Variants in JAK3 observed in about 807,000 individuals in gnomAD.
JAK3 encodes the protein tyrosine-protein kinase JAK3.
Under a neutral mutation model 120.8 loss-of-function variants are expected in JAK3, and 88 were observed. The observed-to-expected ratio is 0.73, with a 90% CI of 0.61 to 0.87. JAK3 has a LOEUF of 0.87. JAK3 is among the 40% of genes least tolerant of loss of function. The pLI, the probability that JAK3 is intolerant of heterozygous loss-of-function variation, is 0.00. For missense variants in JAK3, 1,254 were observed against 1,501.4 expected, an observed-to-expected ratio of 0.84 and a Z score of 2.72; for synonymous variants, 592 against 628.6, an observed-to-expected ratio of 0.94 and a Z score of 0.87.
chr19:17,831,311 G>A lies in JAK3; in HGVS notation c.2895C>T (p.Ile965=). ...GCAGCTTAGCTAGGCCGAAGTCAGC[G>A]ATCTTGACGTGTGCCTCGCTCTCCA... ...ILVESEAHVK[I]ADFGLAKLLP... The change falls in exon 21 of 24, where the codon ATC becomes ATT. Residue 965 remains isoleucine (I), a synonymous_variant. Coordinates refer to ENST00000458235, the MANE Select transcript of JAK3 (RefSeq NM_000215.4). The surrounding 1 kb of genome is among the most constrained non-coding windows in gnomAD (Gnocchi z 5.1). 6.2e-7 allele frequency: 1 copy of A among 1,612,668 alleles called. No homozygotes were observed.
In JAK3 at chr19:17,831,643, TC is replaced by T; in HGVS notation, c.2805+30del. On this transcript the variant is annotated intron_variant, in intron 20 of 23. Coordinates refer to ENST00000458235, the MANE Select transcript of JAK3 (RefSeq NM_000215.4). The surrounding 1 kb of genome is among the most constrained non-coding windows in gnomAD (Gnocchi z 5.1). Reference sequence around the variant, plus strand: ...CCCTGCCCAGGCCGTGCCAGCTGAATCCCCACAAGTCCCGGGGCGCCCCCTC... The same window carrying T: ...CCCTGCCCAGGCCGTGCCAGCTGAATCCCACAAGTCCCGGGGCGCCCCCTC... The T allele has an allele frequency of 6.3e-7, 1 of 1,595,192 alleles. No homozygotes were observed. The highest frequency in any genetic ancestry group is 1.7e-5 in the Admixed American group (1 of 57,752).
Position 17,843,782 on chromosome 19 carries a change from C to T in JAK3, c.303G>A (p.Arg101=). 6.2e-7 allele frequency: 1 copy of T among 1,613,580 alleles called. No homozygotes were observed. Among genetic ancestry groups the T allele is most frequent in the South Asian group, 1.1e-5 (1 of 91,068 alleles). The stretch of plus-strand genomic sequence containing the variant: ...GGCTGGGGGGCACTTCCTACCGAAT[C>T]CTGTACAGCAGGACTTGGGTGCTGG... ...EDASTQVLLY[R]IRFYFPNWFG... The change falls in exon 3 of 24, where the codon AGG becomes AGA. Residue 101 remains arginine, a synonymous_variant. Transcript: ENST00000458235. This position sits in a 1 kb window ranked among gnomAD's most constrained non-coding sequence, Gnocchi z 5.4.
rs372947852 is a variant in JAK3 at position 17,832,572 on chromosome 19, T to C, written c.2627A>G (p.Lys876Arg). 6 of 1,614,114 alleles carry C rather than the reference T, an allele frequency of 3.7e-6. No individual in the cohort carries two copies. The highest frequency in any genetic ancestry group is 4.5e-5 in the East Asian group (2 of 44,890). Residue 876 changes from lysine to arginine, a missense_variant, in exon 19 of 24, where the codon AAA becomes AGA. By Grantham distance (26) the Lys-to-Arg change is conservative. Coordinates refer to ENST00000458235, the MANE Select transcript of JAK3 (RefSeq NM_000215.4). The surrounding 1 kb of genome is among the most constrained non-coding windows in gnomAD (Gnocchi z 4.7). ...RDFQREIQIL[K>R]ALHSDFIVKY... ...GACAATGAAATCACTGTGCAGTGCT[T>C]TGAGGATCTGAATCTCCCGCTGAAA...
chr19:17,826,652 A>G lies in JAK3; in HGVS notation c.*91T>C, dbSNP rs1758674455. On this transcript the variant is annotated 3_prime_UTR_variant, in exon 24 of 24. Coordinates refer to ENST00000458235, the MANE Select transcript of JAK3 (RefSeq NM_000215.4). ...TGTTCCTGAAGTAGAGGACCCTCAT[A>G]AGGCCTCTGAGGCCCAGAGAGGGGC... 1.4e-6 allele frequency: 2 copies of G among 1,398,354 alleles called. No individual in the cohort carries two copies. The highest frequency in any genetic ancestry group is 1.0e-6 in the Non-Finnish European group (1 of 984,110). The allele number at this position is 1,398,354 out of a possible 1,614,324, so 86.6% of individuals were successfully genotyped here. A position where few individuals can be genotyped will look rare whatever the true frequency, so the allele number is the denominator to read the frequency against.
rs947495578 is a variant in JAK3 at position 17,842,904 on chromosome 19, G to A, written c.566+123C>T. 5 of 1,375,468 alleles carry A rather than the reference G, an allele frequency of 3.6e-6. No individual in the cohort carries two copies. The highest frequency in any genetic ancestry group is 1.8e-5 in the Admixed American group (1 of 57,120). The allele number at this position is 1,375,468 out of a possible 1,614,324, so 85.2% of individuals were successfully genotyped here. ...AGGGCTGGGTTCGTGGGAGGCCCTG[G>A]GTCATAGGAACACCCTGAAAGCTTG... On this transcript the variant is annotated intron_variant, in intron 5 of 23. Transcript: ENST00000458235. The surrounding 1 kb of genome is among the most constrained non-coding windows in gnomAD (Gnocchi z 6.4).
chr19:17,844,186 C>A (rs757853463), intron 2 of JAK3, 48 bp downstream of exon 2: 2 of 1,528,520 alleles, frequency 1.3e-6, no homozygotes, highest in Non-Finnish European at 1.8e-6. Context: ...CTTGGCCCCA[C>A]ACAGCCCCAT....
chr19:17,830,284 C>T, intron 22 of JAK3, 66 bp from the exon 23 acceptor site: 1 of 1,296,692 alleles, frequency 7.7e-7, no homozygotes, highest in Non-Finnish European at 1.1e-6. Flanking sequence ...GAGGGGCCAC[C>T]CGTGGTGGGG....
rs528190258 is a variant in JAK3, at chr19:17,840,173, T to C, written c.1254+57A>G. 384 of 1,192,142 alleles carry C rather than the reference T, an allele frequency of 3.2e-4. 3 individuals are homozygous for C. The South Asian group carries it at 4.1e-3, about 13-fold the overall frequency. The allele number at this position is 1,192,142 out of a possible 1,614,324, so 73.8% of individuals were successfully genotyped here. ...TGCTGACTGATCTTTTAAATCTCAA[T>C]TCAAACGTCACCTCCTCCAGGCAGC... On this transcript the variant is annotated intron_variant, in intron 9 of 23. Coordinates refer to ENST00000458235, the MANE Select transcript of JAK3 (RefSeq NM_000215.4).
intron 1 of JAK3, among the ~76,000 whole-genome samples, chr19:17,846,687 C>T (rs185957597): frequency 1.3e-5 from 2 of 152,054 alleles, no homozygotes; most frequent in Non-Finnish European, 2.9e-5. Context: ...TGGGTTCAAG[C>T]GATTCTCATG....
chr19:17,843,987 T>A lies in JAK3; in HGVS notation c.185-87A>T. 4 of 1,527,122 alleles carry A rather than the reference T, an allele frequency of 2.6e-6. No homozygotes were observed. Among genetic ancestry groups the A allele is most frequent in the Non-Finnish European group, 3.6e-6 (4 of 1,117,428 alleles). The allele number at this position is 1,527,122 out of a possible 1,614,324, so 94.6% of individuals were successfully genotyped here. ...CCAGCATCATACCCAACCGTCCAGATCCTTCCATACCTCAAGGTATGACCA... is the reference window on the plus strand; with the variant it reads ...CCAGCATCATACCCAACCGTCCAGAACCTTCCATACCTCAAGGTATGACCA... On this transcript the variant is annotated intron_variant, in intron 2 of 23. Coordinates refer to ENST00000458235, the MANE Select transcript of JAK3 (RefSeq NM_000215.4). The surrounding 1 kb of genome is among the most constrained non-coding windows in gnomAD (Gnocchi z 5.4).
At position 17,843,719 on chromosome 19, in the gene JAK3, G is replaced by T; in HGVS notation, c.308+58C>A. ...CCTGGGGCAGGGGTGTGGGCACCTC[G>T]AAATGCAAGGAGATGATAAAATTGT... On this transcript the variant is annotated intron_variant, in intron 3 of 23. Coordinates refer to ENST00000458235, the MANE Select transcript of JAK3 (RefSeq NM_000215.4). The surrounding 1 kb of genome is among the most constrained non-coding windows in gnomAD (Gnocchi z 5.4). 6.2e-7 allele frequency: 1 copy of T among 1,604,588 alleles called. No homozygotes were observed. Among genetic ancestry groups the T allele is most frequent in the Non-Finnish European group, 8.5e-7 (1 of 1,172,758 alleles).
At chr19:17,837,501 C>T (rs1245940416) in intron 12 of JAK3, among the ~76,000 whole-genome samples, 1 of 152,120 alleles carries the variant, frequency 6.6e-6, no homozygotes, top group Non-Finnish European at 1.5e-5. Flanking sequence ...CTGCAACCTC[C>T]GCTTCCCAGA....
rs757147441 is a variant in JAK3 at position 17,832,751 on chromosome 19, C to T, written c.2490+39G>A. ...TGATGTCCAGGCACCTGGATGCTGC[C>T]CTGCCCTCTCCAACCCACCCTGGCC... On this transcript the variant is annotated intron_variant, in intron 18 of 23. Coordinates refer to ENST00000458235, the MANE Select transcript of JAK3 (RefSeq NM_000215.4). The surrounding 1 kb of genome is among the most constrained non-coding windows in gnomAD (Gnocchi z 4.7). 1.5e-5 allele frequency: 24 copies of T among 1,614,098 alleles called. No individual in the cohort carries two copies. The Admixed American group carries it at 3.8e-4, about 26-fold the overall frequency.
At chr19:17,845,471 A>T (rs368368543) in intron 1 of JAK3, among the ~76,000 whole-genome samples, 3 of 152,246 alleles carry the variant, frequency 2.0e-5, no homozygotes, top group South Asian at 4.1e-4. Flanking sequence ...AGGAGTTTGA[A>T]ACCAGACTGG....
At position 17,831,422 on chromosome 19, in the gene JAK3, G is replaced by A. The variant is rs1281690992; in HGVS notation, c.2806-22C>T. On this transcript the variant is annotated intron_variant, in intron 20 of 23. Transcript: ENST00000458235. This position sits in a 1 kb window ranked among gnomAD's most constrained non-coding sequence, Gnocchi z 5.1. ...TGCCCTGCGGGCGGGCGGTGTGAGC[G>A]TGCAGAGAGGATCCCAGGATAATCC... is the stretch of plus-strand genomic sequence containing the variant. 7 of 1,600,176 alleles carry A rather than the reference G, an allele frequency of 4.4e-6. No homozygotes were observed. The highest frequency in any genetic ancestry group is 1.3e-5 in the African/African-American group (1 of 74,810).
chr19:17,846,786 T>C (rs2094253091), intron 1 of JAK3, among the ~76,000 whole-genome samples: 1 of 152,204 alleles, frequency 6.6e-6, no homozygotes, highest in South Asian at 2.1e-4. Flanking sequence ...AGTTTCACCA[T>C]GTTGGCCAGG....
chr19:17,826,455 A>G lies in JAK3; in HGVS notation c.*288T>C. The G allele has an allele frequency of 2.2e-6, 1 of 461,674 alleles. No individual in the cohort carries two copies. Among genetic ancestry groups the G allele is most frequent in the African/African-American group, 1.9e-5 (1 of 51,888 alleles). 28.6% of individuals were successfully genotyped at this position (461,674 alleles called of 1,614,324 possible). On this transcript the variant is annotated 3_prime_UTR_variant, in exon 24 of 24. Coordinates refer to ENST00000458235, the MANE Select transcript of JAK3 (RefSeq NM_000215.4). Reference sequence around the variant, plus strand: ...AAGGAAACTCAGGGGGCCAGGGCTTAAGGGGTTGGGAAGATGCGAGAGTCT... The same window carrying G: ...AAGGAAACTCAGGGGGCCAGGGCTTGAGGGGTTGGGAAGATGCGAGAGTCT...
rs2094221343 is a variant in JAK3, at chr19:17,834,957, C to A, written c.2094G>T (p.Glu698Asp). Reference protein sequence around the residue: ...IPWVAPECLREAQTLSLEADK... With the variant: ...IPWVAPECLRDAQTLSLEADK... ...CAGCTTCCAAGCTAAGTGTCTGCGC[C>A]TCCCGGAGACACTCGGGGGCCACCC... Residue 698 changes from glutamate (E) to aspartate (D), a missense_variant, in exon 16 of 24, where the codon GAG (glutamate) becomes GAT (aspartate). Glu to Asp is a conservative substitution (Grantham distance 45). Around this residue, in one of 3 missense-constraint regions of JAK3, gnomAD observed 630 missense variants for 819.8 expected, o/e 0.77. Coordinates refer to ENST00000458235, the MANE Select transcript of JAK3 (RefSeq NM_000215.4). 1.2e-6 allele frequency: 2 copies of A among 1,614,082 alleles called. No individual in the cohort carries two copies. The highest frequency in any genetic ancestry group is 1.3e-5 in the African/African-American group (1 of 74,932).
intron 14 of JAK3, 111 bp from the exon 15 acceptor site, chr19:17,835,326 T>A: frequency 7.4e-7 from 1 of 1,354,292 alleles, no homozygotes; most frequent in Middle Eastern, 2.6e-4. Context: ...TCAGACATGC[T>A]CCAGCATCGT....
Sources: gnomAD v4.1 joint callset for allele counts (sites outside exome capture counted in the v4.1 genomes callset) on GRCh38, gnomAD v4.1.1 for gene constraint, gnomAD v4.1.1 regional missense constraint, Gnocchi (gnomAD v3.1) non-coding constraint, MANE v1.5 for transcripts, NCBI Gene and HGNC (gene_info 2026-07-23, HGNC 2026-07-21) for gene names.